The following EHD4 variants were observed in gnomAD, a reference collection of about 807,000 sequenced individuals.
EHD4 encodes the protein EH domain containing 4.
EHD4 carries 37 observed loss-of-function variants against 51.0 expected under a neutral mutation model. The observed-to-expected ratio is 0.73, with a 90% CI of 0.56 to 0.95. EHD4 has a LOEUF of 0.95. Among genes scored for constraint, EHD4 ranks in the 40% least tolerant of loss-of-function variants. The pLI, the probability that EHD4 is intolerant of heterozygous loss-of-function variation, is 0.00. For missense variants in EHD4, 632 were observed against 733.1 expected (o/e 0.86, Z 1.59); for synonymous variants, 297 against 317.3 (o/e 0.94, Z 0.68).
intron 4 of EHD4, 68 bp downstream of exon 4, chr15:41,919,142 C>T: frequency 6.3e-7 from 1 of 1,595,342 alleles, no homozygotes; most frequent in Non-Finnish European, 8.6e-7. Context: ...TCCCACCCAT[C>T]TTGCCTCTGG....
intron 2 of EHD4, among the ~76,000 whole-genome samples, chr15:41,947,278 T>C (rs2067821464): frequency 6.6e-6 from 1 of 152,174 alleles, no homozygotes; most frequent in South Asian, 2.1e-4. Context: ...AGAGGCTTCC[T>C]TGTGTGGTTT....
At chr15:41,915,169 A>G (rs1415474021) in intron 4 of EHD4, among the ~76,000 whole-genome samples, 7 of 152,130 alleles carry the variant, frequency 4.6e-5, no homozygotes, top group African/African-American at 1.7e-4. Context: ...ATATACATTC[A>G]TATACATTTA....
intron 3 of EHD4, among the ~76,000 whole-genome samples, chr15:41,923,604 G>T (rs1345400255): frequency 6.6e-6 from 1 of 152,184 alleles, no homozygotes; most frequent in Non-Finnish European, 1.5e-5. Context: ...TCTGCACTTG[G>T]AAGCTTCCCA....
chr15:41,963,794 C>A (rs927120025), intron 1 of EHD4, among the ~76,000 whole-genome samples: 1 of 152,038 alleles, frequency 6.6e-6, no homozygotes, highest in African/African-American at 2.4e-5. Context: ...AACACTTTTA[C>A]AACTGTGACA....
chr15:41,932,440 C>T (rs187853067), intron 3 of EHD4, among the ~76,000 whole-genome samples: 3 of 152,170 alleles, frequency 2.0e-5, no homozygotes, highest in East Asian at 1.9e-4. Flanking sequence ...ACCTACCCAC[C>T]GCAGGGTGCT....
intron 3 of EHD4, among the ~76,000 whole-genome samples, chr15:41,922,842 G>A (rs1243369034): frequency 6.6e-6 from 1 of 152,186 alleles, no homozygotes; most frequent in African/African-American, 2.4e-5. Flanking sequence ...AACAATGAGA[G>A]CTTAATATAG....
intron 4 of EHD4, among the ~76,000 whole-genome samples, chr15:41,913,916 A>C (rs1023281483): frequency 6.6e-6 from 1 of 152,238 alleles, no homozygotes; most frequent in African/African-American, 2.4e-5. Flanking sequence ...AAAATGACAA[A>C]ATGACAATTT....
intron 2 of EHD4, among the ~76,000 whole-genome samples, chr15:41,952,894 G>A (rs2067861288): frequency 6.6e-6 from 1 of 150,918 alleles, no homozygotes; most frequent in African/African-American, 2.4e-5. Flanking sequence ...GGAGGCTGAG[G>A]CAGGAGAATT....
intron 4 of EHD4, among the ~76,000 whole-genome samples, chr15:41,917,367 C>G (rs1452668258): frequency 6.6e-6 from 1 of 152,148 alleles, no homozygotes; most frequent in African/African-American, 2.4e-5. Context: ...GATCCACCCG[C>G]CTCCGACTCC....
intron 4 of EHD4, among the ~76,000 whole-genome samples, chr15:41,914,153 C>T (rs1281518016): frequency 1.3e-5 from 2 of 151,980 alleles, no homozygotes; most frequent in Non-Finnish European, 2.9e-5. Context: ...ATGCTGGAAG[C>T]GACCAGTGCT....
intron 4 of EHD4, 90 bp downstream of exon 4, chr15:41,919,119 GA>G: frequency 6.5e-7 from 1 of 1,535,784 alleles, no homozygotes; most frequent in Admixed American, 1.7e-5. Context: ...AAGCCTTCTG[GA>G]ACGAAGCCTC....
At chr15:41,924,891 T>C (rs984516438) in intron 3 of EHD4, among the ~76,000 whole-genome samples, 9 of 151,808 alleles carry the variant, frequency 5.9e-5, no homozygotes, top group African/African-American at 2.2e-4. Flanking sequence ...ACCCTGTCTC[T>C]ACTAAAAATA....
rs532644798 is a variant in EHD4, at chr15:41,915,726, G to A, written c.924+3484C>T. Among the ~76,000 whole-genome samples the A allele has an allele frequency of 4.6e-5, 7 of 152,092 alleles. 1 individual carries two copies. The highest frequency in any genetic ancestry group is 1.7e-4 in the African/African-American group (7 of 41,504). ...TGACATGTTCCAAACCCTTTTTTGG[G>A]CTTTCCCAAAACAGCTTCCTTTAAA... On this transcript the variant is annotated intron_variant, in intron 4 of 5. Transcript: ENST00000220325.
At chr15:41,969,910 A>G (rs1456919118) in intron 1 of EHD4, among the ~76,000 whole-genome samples, 1 of 152,174 alleles carries the variant, frequency 6.6e-6, no homozygotes, top group Non-Finnish European at 1.5e-5. Flanking sequence ...GGAGATAAGA[A>G]TCTATGGCTA....
At position 41,915,308 on chromosome 15, in the gene EHD4, C is replaced by T. The variant is rs539457616; in HGVS notation, c.924+3902G>A. Among the ~76,000 whole-genome samples, 14 of 152,342 alleles carry T rather than the reference C, an allele frequency of 9.2e-5. No individual in the cohort carries two copies. In the South Asian group the frequency reaches 2.7e-3, roughly 29 times the overall value. ...AGCCAGGCTGGTCTCGAACTCCTGA[C>T]CTCAAGTGATCTGCCCGCCTTGGTT... is the stretch of plus-strand genomic sequence containing the variant. On this transcript the variant is annotated intron_variant, in intron 4 of 5. Transcript: ENST00000220325.
chr15:41,900,827 T>G lies in EHD4; in HGVS notation c.1444A>C (p.Ser482Arg). 1.9e-6 allele frequency: 3 copies of G among 1,614,148 alleles called. No homozygotes were observed. Among genetic ancestry groups the G allele is most frequent in the Non-Finnish European group, 2.5e-6 (3 of 1,180,024 alleles). The change falls in exon 6 of 6, where the codon AGC (serine) becomes CGC (arginine). Residue 482 changes from serine to arginine, a missense_variant. Coordinates refer to ENST00000220325, the MANE Select transcript of EHD4 (RefSeq NM_139265.4). This position sits in a 1 kb window ranked among gnomAD's most constrained non-coding sequence, Gnocchi z 4.8. The stretch of plus-strand genomic sequence containing the variant: ...AGCTTCCAGATCTTGCCCAGGACGC[T>G]GTTGGGCAGCTTGGAGGTCACCATC... ...KEMVTSKLPN[S>R]VLGKIWKLAD...
At chr15:41,932,736 C>T (rs549370832) in intron 3 of EHD4, among the ~76,000 whole-genome samples, 1 of 152,284 alleles carries the variant, frequency 6.6e-6, no homozygotes, top group South Asian at 2.1e-4. Flanking sequence ...CCCTTGTCTG[C>T]ACTCTCGTGG....
At chr15:41,945,723 A>G (rs1286385959) in intron 2 of EHD4, among the ~76,000 whole-genome samples, 1 of 152,248 alleles carries the variant, frequency 6.6e-6, no homozygotes, top group African/African-American at 2.4e-5. Context: ...GGGATCAGAA[A>G]AAATCCTAAT....
At chr15:41,923,641 G>C (rs1280115534) in intron 3 of EHD4, among the ~76,000 whole-genome samples, 1 of 152,220 alleles carries the variant, frequency 6.6e-6, no homozygotes, top group Admixed American at 6.5e-5. Context: ...GGTGCAGTTT[G>C]AGGATCACTG....
Sources: gnomAD v4.1 joint callset for allele counts (sites outside exome capture counted in the v4.1 genomes callset) on GRCh38, gnomAD v4.1.1 for gene constraint, Gnocchi (gnomAD v3.1) non-coding constraint, MANE v1.5 for transcripts, NCBI Gene and HGNC (gene_info 2026-07-23, HGNC 2026-07-21) for gene names.